WWTR1: variants seen among roughly 807,000 people sequenced by gnomAD.
WWTR1 encodes the protein WW domain-containing transcription regulator protein 1.
WWTR1 carries 13 observed loss-of-function variants against 40.1 expected under a neutral mutation model. The ratio of observed to expected loss-of-function variants is 0.32; its 90% CI spans 0.21 to 0.52. The LOEUF is 0.52. WWTR1 is among the 20% of genes least tolerant of loss of function. WWTR1 has a pLI of 0.97. For synonymous variants in WWTR1, 230 were observed against 210.1 expected, an observed-to-expected ratio of 1.09 and a Z score of -0.82; for missense variants, 436 against 523.1, an observed-to-expected ratio of 0.83 and a Z score of 1.63.
chr3:149,541,984 C>T (rs1294621349), intron 4 of WWTR1, among the ~76,000 whole-genome samples: 10 of 152,146 alleles, frequency 6.6e-5, no homozygotes, highest in East Asian at 3.9e-4. Flanking sequence ...CAAAATTGTG[C>T]GATATAATGA....
chr3:149,710,212 C>G (rs1387188859), intron 5 of WWTR1, among the ~76,000 whole-genome samples: 1 of 152,114 alleles, frequency 6.6e-6, no homozygotes, highest in Non-Finnish European at 1.5e-5. Context: ...AAAATCTGAC[C>G]AGTTCAGGTC....
chr3:149,647,724 G>C (rs1333542668), intron 2 of WWTR1, among the ~76,000 whole-genome samples: 1 of 152,176 alleles, frequency 6.6e-6, no homozygotes, highest in Non-Finnish European at 1.5e-5. Context: ...ATAATTTCCA[G>C]ACTCTTTTAA....
intron 6 of WWTR1, chr3:149,525,494 A>G (rs949587609): frequency 2.6e-5 from 4 of 152,004 alleles, no homozygotes; most frequent in African/African-American, 9.7e-5. Context: ...CCAGATGTAA[A>G]ACTATACTTG....
chr3:149,692,017 A>G (rs1714842551), intron 1 of WWTR1, among the ~76,000 whole-genome samples: 1 of 150,928 alleles, frequency 6.6e-6, no homozygotes, highest in African/African-American at 2.4e-5. Flanking sequence ...CTCCGTCTCA[A>G]AAAAAAAAAT....
Position 149,517,255 on chromosome 3 carries a change from T to C in WWTR1, c.*3550A>G, listed in dbSNP as rs1318864485. The stretch of plus-strand genomic sequence containing the variant: ...CCAAGTGGAAGTTCAATTGTCTTTA[T>C]TTTTCTTATACAGATTCAGAGAAGT... On this transcript the variant is annotated 3_prime_UTR_variant, in exon 7 of 7. Transcript: ENST00000360632. The C allele has an allele frequency of 1.3e-5, 2 of 152,190 alleles. No individual in the cohort carries two copies. The highest frequency in any genetic ancestry group is 4.8e-5 in the African/African-American group (2 of 41,450). 9.4% of individuals were successfully genotyped at this position (152,190 alleles called of 1,614,324 possible).
rs141952897 is a variant in WWTR1, at chr3:149,602,956, G to A, written c.432-29956C>T. On this transcript the variant is annotated intron_variant, in intron 2 of 6. Coordinates refer to ENST00000360632, the MANE Select transcript of WWTR1 (RefSeq NM_015472.6). ...ATGATAGGCATGAGCCACTGTGCCC[G>A]GCCAGAAAAGCCTAATTTTAAAGCC... Among the ~76,000 whole-genome samples the A allele has an allele frequency of 4.6e-5, 7 of 151,830 alleles. No homozygotes were observed. The East Asian group carries it at 5.8e-4, about 13-fold the overall frequency.
chr3:149,572,755 T>C, intron 3 of WWTR1, 109 bp downstream of exon 3: 15 of 1,325,768 alleles, frequency 1.1e-5, no homozygotes, highest in Non-Finnish European at 1.5e-5. Context: ...ACTGAGGTGT[T>C]AGGATTGTTT....
At chr3:149,676,922 CTTT>C (rs370634233) in intron 1 of WWTR1, among the ~76,000 whole-genome samples, 2 of 141,450 alleles carry the variant, frequency 1.4e-5, no homozygotes, top group Non-Finnish European at 1.5e-5. Context: ...CCTTGAGACT[CTTT>C]TTTTTTTTTT....
intron 4 of WWTR1, among the ~76,000 whole-genome samples, chr3:149,538,563 T>C (rs1184951254): frequency 1.3e-5 from 2 of 152,216 alleles, no homozygotes; most frequent in South Asian, 2.1e-4. Context: ...CAGCCAATGC[T>C]AGATTGGAGG....
chr3:149,580,385 C>A (rs1165541095), intron 2 of WWTR1, among the ~76,000 whole-genome samples: 1 of 152,154 alleles, frequency 6.6e-6, no homozygotes, highest in Non-Finnish European at 1.5e-5. Flanking sequence ...AGTCCCTCTG[C>A]TGTCACCTAA....
upstream of WWTR1, among the ~76,000 whole-genome samples, chr3:149,662,177 T>TAA (rs113524876): frequency 7.3e-5 from 11 of 150,568 alleles, no homozygotes; most frequent in African/African-American, 2.7e-4. Flanking sequence ...GAAACCATGT[T>TAA]AAAAAAAAAC....
At chr3:149,670,328 T>G (rs1714018276) in intron 1 of WWTR1, among the ~76,000 whole-genome samples, 1 of 152,210 alleles carries the variant, frequency 6.6e-6, no homozygotes, top group South Asian at 2.1e-4. Context: ...AAGGTTGCTG[T>G]GGGCCTTTCC....
chr3:149,537,053 G>A (rs569872819), intron 4 of WWTR1, among the ~76,000 whole-genome samples: 5 of 152,296 alleles, frequency 3.3e-5, no homozygotes, highest in African/African-American at 1.2e-4. Flanking sequence ...GCATTGAGAA[G>A]CCTGTTTCTC....
At chr3:149,560,726 T>C (rs1022531399) in intron 3 of WWTR1, among the ~76,000 whole-genome samples, 4 of 152,110 alleles carry the variant, frequency 2.6e-5, no homozygotes, top group Admixed American at 2.6e-4. Flanking sequence ...CACTCTTCAC[T>C]GGTATCTGAG....
chr3:149,576,298 A>G, intron 2 of WWTR1: 1 of 341,412 alleles, frequency 2.9e-6, no homozygotes, highest in Non-Finnish European at 5.8e-6. Flanking sequence ...TATTGTTCTA[A>G]TCACTTAGTG....
intron 2 of WWTR1, among the ~76,000 whole-genome samples, chr3:149,583,445 C>A (rs1233964545): frequency 6.6e-6 from 1 of 152,098 alleles, no homozygotes; most frequent in Non-Finnish European, 1.5e-5. Context: ...CTTAAGTGAT[C>A]CTCCTGCCTC....
chr3:149,705,387 G>A (rs11719524), upstream of WWTR1, among the ~76,000 whole-genome samples: 51,118 of 151,992 alleles, frequency 0.34, 8,857 homozygotes, highest in African/African-American at 0.41. Flanking sequence ...AGCTTTCAGA[G>A]GGAAAAAGCA....
chr3:149,561,198 T>C (rs767638360), intron 3 of WWTR1, among the ~76,000 whole-genome samples: 7 of 152,172 alleles, frequency 4.6e-5, no homozygotes, highest in South Asian at 2.1e-4. Context: ...TGTCTCTCAA[T>C]AGAAGAATTG....
At chr3:149,586,883 T>C (rs944034301) in intron 2 of WWTR1, among the ~76,000 whole-genome samples, 1 of 152,206 alleles carries the variant, frequency 6.6e-6, no homozygotes. Context: ...TCTGGATAGC[T>C]GAACATGTGA....
Sources: gnomAD v4.1 joint callset for allele counts (sites outside exome capture counted in the v4.1 genomes callset) on GRCh38, gnomAD v4.1.1 for gene constraint, MANE v1.5 for transcripts, NCBI Gene and HGNC (gene_info 2026-07-23, HGNC 2026-07-21) for gene names.